GDA: variants seen among roughly 807,000 people sequenced by gnomAD.
GDA encodes the protein guanine deaminase.
In GDA, 18 loss-of-function variants were observed where a neutral mutation model predicts 59.6. The observed-to-expected ratio is 0.30, with a 90% CI of 0.21 to 0.45. The LOEUF is 0.45. Among genes scored for constraint, GDA ranks in the 20% least tolerant of loss-of-function variants. The probability of loss-of-function intolerance (pLI) is 1.00; values close to 1 mark genes in which losing one functional copy is unlikely to be tolerated. For synonymous variants in GDA, 201 were observed against 201.1 expected (o/e 1.00, Z 0.00); for missense variants, 427 against 552.3 (o/e 0.77, Z 2.27).
chr9:72,188,179 C>G (rs1587544653), intron 1 of GDA, among the ~76,000 whole-genome samples: 1 of 152,148 alleles, frequency 6.6e-6, no homozygotes, highest in East Asian at 1.9e-4. Context: ...AGTGTGGAAC[C>G]AAGAGACCAT....
intron 6 of GDA, 64 bp from the exon 7 acceptor site, chr9:72,223,056 A>G: frequency 1.2e-6 from 1 of 868,288 alleles, no homozygotes; most frequent in Non-Finnish European, 1.9e-6. Context: ...TCTTTAATCC[A>G]TCTTGAGTTA....
chr9:72,248,241 T>C (rs1255769145), intron 13 of GDA, 31 bp from the exon 14 acceptor site: 5 of 1,470,394 alleles, frequency 3.4e-6, no homozygotes, highest in Non-Finnish European at 4.8e-6. Flanking sequence ...ACAAAAGGAT[T>C]TTATACATGA....
chr9:72,221,722 C>T (rs1288259660), intron 6 of GDA, among the ~76,000 whole-genome samples: 1 of 152,178 alleles, frequency 6.6e-6, no homozygotes, highest in Non-Finnish European at 1.5e-5. Flanking sequence ...CCTCTACCTG[C>T]CGATAGGCCC....
rs1357894246 is a variant in GDA at position 72,229,927 on chromosome 9, A to T, written c.921-1187A>T. Among the ~76,000 whole-genome samples, 3 of 152,216 alleles carry T rather than the reference A, an allele frequency of 2.0e-5. No individual in the cohort carries two copies. In the East Asian group the frequency reaches 5.8e-4, roughly 29 times the overall value. ...ACTATAATTAGGGTCTAGTTACTTG[A>T]TAGTGGAAGGATTTAACACCCATTG... is the stretch of plus-strand genomic sequence containing the variant. On this transcript the variant is annotated intron_variant, in intron 9 of 13. Transcript: ENST00000358399.
rs142938732 is a variant in GDA, at chr9:72,245,224, A to G, written c.1212A>G (p.Ala404=). ...ATGCCATCCTGATCAACCCCAAAGCATCCGACTCTCCCATTGACCTGTTTT... is the reference window on the plus strand; with the variant it reads ...ATGCCATCCTGATCAACCCCAAAGCGTCCGACTCTCCCATTGACCTGTTTT... ...EFDAILINPK[A]SDSPIDLFYG... The change falls in exon 12 of 14, where the codon GCA becomes GCG. Residue 404 remains alanine, a synonymous_variant. Transcript: ENST00000358399. 2.2e-4 allele frequency: 357 copies of G among 1,612,342 alleles called. 1 individual carries two copies. In the African/African-American group the frequency reaches 4.2e-3, roughly 19 times the overall value.
intron 2 of GDA, among the ~76,000 whole-genome samples, chr9:72,197,179 G>A (rs982592297): frequency 1.3e-5 from 2 of 152,158 alleles, no homozygotes; most frequent in African/African-American, 2.4e-5. Context: ...CCTCTTTGAG[G>A]TCATCTAGAC....
At chr9:72,122,308 A>G (rs1825688350) in intron 1 of GDA, among the ~76,000 whole-genome samples, 1 of 152,158 alleles carries the variant, frequency 6.6e-6, no homozygotes, top group South Asian at 2.1e-4. Context: ...AGCAGCTAGA[A>G]CTATGCATCT....
chr9:72,213,139 G>A (rs1265411751), intron 4 of GDA, among the ~76,000 whole-genome samples: 12 of 152,150 alleles, frequency 7.9e-5, no homozygotes, highest in East Asian at 7.8e-4. Context: ...ACAGTGGTGC[G>A]TGCCTGTAAT....
chr9:72,196,866 G>T (rs1833258943), intron 2 of GDA, among the ~76,000 whole-genome samples: 1 of 151,732 alleles, frequency 6.6e-6, no homozygotes, highest in Non-Finnish European at 1.5e-5. Flanking sequence ...TCCTGTGTTA[G>T]TTTGCTGAAA....
intron 1 of GDA, among the ~76,000 whole-genome samples, chr9:72,178,347 A>G (rs1830769762): frequency 6.6e-6 from 1 of 152,146 alleles, no homozygotes; most frequent in Admixed American, 6.6e-5. Context: ...AAATTTATGT[A>G]CATCAGATTC....
intron 3 of GDA, among the ~76,000 whole-genome samples, chr9:72,203,993 T>C (rs1053229289): frequency 2.0e-5 from 3 of 152,050 alleles, no homozygotes; most frequent in African/African-American, 7.2e-5. Flanking sequence ...ATTTTTCTAT[T>C]TTTAGTAGAG....
chr9:72,200,892 A>G (rs1228111412), intron 2 of GDA, among the ~76,000 whole-genome samples: 1 of 152,226 alleles, frequency 6.6e-6, no homozygotes, highest in East Asian at 1.9e-4. Context: ...TACTGAACCT[A>G]CAGACAAACT....
chr9:72,185,452 GT>G (rs933127546), intron 1 of GDA, among the ~76,000 whole-genome samples: 2 of 152,110 alleles, frequency 1.3e-5, no homozygotes, highest in Admixed American at 6.5e-5. Flanking sequence ...GTCCGACGGG[GT>G]TTTTTCCCCC....
chr9:72,170,543 C>T (rs1004652992), intron 1 of GDA, among the ~76,000 whole-genome samples: 1 of 152,150 alleles, frequency 6.6e-6, no homozygotes, highest in Non-Finnish European at 1.5e-5. Context: ...AGTCAGTATC[C>T]TTTGTCAGTG....
rs1334530749 is a variant in GDA at position 72,248,439 on chromosome 9, T to G, written c.*97T>G. 2 of 1,576,560 alleles carry G rather than the reference T, an allele frequency of 1.3e-6. No individual in the cohort carries two copies. Among genetic ancestry groups the G allele is most frequent in the African/African-American group, 1.4e-5 (1 of 73,654 alleles). On this transcript the variant is annotated 3_prime_UTR_variant, in exon 14 of 14. Transcript: ENST00000358399. ...TAGAAAGTCAAAAAATAGTACCTTG[T>G]TCTTGGGATGACTATCCCTTTCTGT...
intron 1 of GDA, among the ~76,000 whole-genome samples, chr9:72,179,979 G>T (rs10869141): frequency 0.16 from 25,027 of 151,894 alleles, 2,643 homozygotes; most frequent in East Asian, 0.5. Flanking sequence ...TTACTGGCGG[G>T]GGGGGTTAGG....
intron 1 of GDA, among the ~76,000 whole-genome samples, chr9:72,182,313 G>A (rs1395712854): frequency 1.3e-5 from 2 of 152,070 alleles, no homozygotes; most frequent in Non-Finnish European, 2.9e-5. Context: ...TCCTTTAGTT[G>A]CCTTTCATCT....
rs970152950 is a variant in GDA, at chr9:72,208,175, C to G, written c.385-2512C>G. Among the ~76,000 whole-genome samples, 5 of 152,278 alleles carry G rather than the reference C, an allele frequency of 3.3e-5. No homozygotes were observed. The South Asian group carries it at 6.2e-4, about 19-fold the overall frequency. ...TAATTAGAGGCTACTGTCTAAGGTA[C>G]GGCATGTTCATTTCTATTATCCTAA... On this transcript the variant is annotated intron_variant, in intron 3 of 13. Transcript: ENST00000358399.
chr9:72,221,156 A>G (rs1266859776), intron 6 of GDA, among the ~76,000 whole-genome samples: 4 of 152,140 alleles, frequency 2.6e-5, no homozygotes, highest in Non-Finnish European at 1.5e-5. Context: ...AGCCAATCCT[A>G]CAACTGAATA....
Sources: allele counts gnomAD v4.1 joint callset (sites outside exome capture counted in the v4.1 genomes callset), GRCh38; gene constraint gnomAD v4.1.1; transcripts MANE v1.5; gene names NCBI Gene and HGNC (gene_info 2026-07-23, HGNC 2026-07-21).